SLC47A1: variants seen among roughly 807,000 people sequenced by gnomAD.
SLC47A1 encodes solute carrier family 47 member 1, also known as multidrug and toxin extrusion protein 1.
SLC47A1 carries 58 observed loss-of-function variants against 65.8 expected under a neutral mutation model. The ratio of observed to expected loss-of-function variants is 0.88; its 90% confidence interval spans 0.71 to 1.10. The LOEUF (loss-of-function observed/expected upper bound fraction) is 1.10. SLC47A1 is among the 50% of genes least tolerant of loss of function. SLC47A1 has a pLI of 0.00. For missense variants in SLC47A1, 706 were observed against 719.2 expected (o/e 0.98, Z 0.21); for synonymous variants, 285 against 295.0 (o/e 0.97, Z 0.35).
At chr17:19,556,552 T>TA (rs1385777443) in intron 10 of SLC47A1, among the ~76,000 whole-genome samples, 1 of 106,814 alleles carries the variant, frequency 9.4e-6, no homozygotes, top group Admixed American at 1.4e-4. Context: ...AGCAGGGTCT[T>TA]AAAGGGATTT....
At position 19,565,069 on chromosome 17, in the gene SLC47A1, G is replaced by A. The variant is rs74886254; in HGVS notation, c.1107-1721G>A. Among the ~76,000 whole-genome samples, 363 of 152,298 alleles carry A rather than the reference G, an allele frequency of 2.4e-3. 4 individuals are homozygous for A. In the East Asian group the frequency reaches 0.049, roughly 21 times the overall value. On this transcript the variant is annotated intron_variant, in intron 12 of 16. Transcript: ENST00000270570. ...TTAAACAAGTATTTATTGGGAGACA[G>A]TCTTCTAGGTTCTAGTTTAGAGTGA...
intron 5 of SLC47A1, among the ~76,000 whole-genome samples, chr17:19,550,321 AT>A (rs796269949): frequency 2.2e-4 from 33 of 149,542 alleles, no homozygotes; most frequent in African/African-American, 7.1e-4. Context: ...GGTCTTGCTA[AT>A]TTTTTTTTTC....
intron 14 of SLC47A1, among the ~76,000 whole-genome samples, chr17:19,568,812 G>T (rs1182404155): frequency 2.6e-5 from 4 of 151,788 alleles, no homozygotes. Context: ...TCCCCTCCTT[G>T]CCACCAGTCC....
intron 12 of SLC47A1, among the ~76,000 whole-genome samples, chr17:19,562,715 GACTCTGAATC>G (rs2084322899): frequency 6.6e-6 from 1 of 152,134 alleles, no homozygotes. Context: ...GTAGAAGCTG[GACTCTGAATC>G]TGTCCACTTG....
chr17:19,548,547 T>C (rs1916359229), intron 4 of SLC47A1, among the ~76,000 whole-genome samples: 1 of 149,606 alleles, frequency 6.7e-6, no homozygotes, highest in Admixed American at 6.7e-5. Flanking sequence ...TCCCCCAGAC[T>C]GGAATGCAGT....
chr17:19,550,582 T>C (rs1483560068), intron 5 of SLC47A1, among the ~76,000 whole-genome samples: 1 of 152,206 alleles, frequency 6.6e-6, no homozygotes, highest in Non-Finnish European at 1.5e-5. Context: ...TCCCGAAGTG[T>C]TGGGTTGCAT....
At chr17:19,557,410 C>A in intron 10 of SLC47A1, 1 of 293,804 alleles carries the variant, frequency 3.4e-6, no homozygotes, top group South Asian at 3.0e-5. Flanking sequence ...TATAGGATTC[C>A]ACTATATGTG....
chr17:19,547,591 T>G (rs1250448263), intron 3 of SLC47A1, among the ~76,000 whole-genome samples: 1 of 151,870 alleles, frequency 6.6e-6, no homozygotes, highest in Non-Finnish European at 1.5e-5. Context: ...GTCCAGAATA[T>G]CATTAGTGAG....
intron 3 of SLC47A1, among the ~76,000 whole-genome samples, chr17:19,547,630 T>C (rs776096783): frequency 4.0e-5 from 6 of 151,532 alleles, no homozygotes; most frequent in Non-Finnish European, 8.8e-5. Context: ...CTGGTGATGC[T>C]ACTGGAAGCT....
chr17:19,572,087 G>A (rs1305344028), intron 15 of SLC47A1, among the ~76,000 whole-genome samples: 6 of 152,158 alleles, frequency 3.9e-5, no homozygotes, highest in African/African-American at 9.7e-5. Flanking sequence ...CCTAGAGTTC[G>A]AGGCTGCAGT....
intron 1 of SLC47A1, 123 bp downstream of exon 1, chr17:19,534,197 G>A: frequency 7.8e-7 from 1 of 1,280,938 alleles, no homozygotes; most frequent in African/African-American, 1.6e-5. Flanking sequence ...GCGGGCTCCG[G>A]GGAGCATCGT....
In SLC47A1 at chr17:19,556,030, A is replaced by G. The variant is rs764856474; in HGVS notation, c.889A>G (p.Ile297Val). ...LGMVELGAQSIVYELAIIVYM... is the reference protein window; with the variant it reads ...LGMVELGAQSVVYELAIIVYM... The stretch of plus-strand genomic sequence containing the variant: ...CATGGTGGAGCTGGGCGCTCAGTCC[A>G]TCGTGTATGAACTGGCCATCATTGT... The change falls in exon 10 of 17, where the codon ATC becomes GTC. Residue 297 changes from isoleucine to valine, a missense_variant. Transcript: ENST00000270570. 1.2e-5 allele frequency: 19 copies of G among 1,614,046 alleles called. 1 individual carries two copies. The East Asian group carries it at 2.0e-4, about 17-fold the overall frequency.
chr17:19,547,716 CTTTTTT>C (rs1180263887), intron 3 of SLC47A1, among the ~76,000 whole-genome samples: 3 of 68,588 alleles, frequency 4.4e-5, no homozygotes, highest in African/African-American at 1.2e-4. Flanking sequence ...CCATGGGCTT[CTTTTTT>C]TTTTTTTTTT....
rs1427122135 is a variant in SLC47A1, at chr17:19,579,017, T to G, written c.*1464T>G. The G allele has an allele frequency of 6.6e-6, 1 of 152,252 alleles. No individual in the cohort carries two copies. Among genetic ancestry groups the G allele is most frequent in the Non-Finnish European group, 1.5e-5 (1 of 68,034 alleles). 9.4% of individuals were successfully genotyped at this position (152,252 alleles called of 1,614,324 possible). The stretch of plus-strand genomic sequence containing the variant: ...GAACATGCAATTCTTTCTTCCAAAA[T>G]AAAACATTAAATAGAGATTTTGCCT... On this transcript the variant is annotated 3_prime_UTR_variant, in exon 17 of 17. Coordinates refer to ENST00000270570, the MANE Select transcript of SLC47A1 (RefSeq NM_018242.3).
chr17:19,571,696 C>T, intron 15 of SLC47A1, 124 bp downstream of exon 15: 1 of 691,938 alleles, frequency 1.4e-6, no homozygotes, highest in East Asian at 2.7e-5. Flanking sequence ...CTCATGAATA[C>T]TATTGTTCTT....
chr17:19,570,911 C>T (rs2084394807), intron 14 of SLC47A1: 1 of 152,320 alleles, frequency 6.6e-6, no homozygotes, highest in African/African-American at 2.4e-5. Context: ...CCATCCATTC[C>T]CACCTGGCCT....
chr17:19,545,338 G>C (rs1916257724), intron 2 of SLC47A1, among the ~76,000 whole-genome samples: 1 of 151,916 alleles, frequency 6.6e-6, no homozygotes, highest in African/African-American at 2.4e-5. Flanking sequence ...GGGAATACAG[G>C]CGCCCGCCAC....
In SLC47A1 at chr17:19,533,859, C is replaced by CGGCCTGCGCGGTACCCACTGCT. The variant is rs1915912323; in HGVS notation, c.-67_-66insCCACTGCTGGCCTGCGCGGTAC. The CGGCCTGCGCGGTACCCACTGCT allele has an allele frequency of 7.4e-7, 1 of 1,356,900 alleles. No individual in the cohort carries two copies. The highest frequency in any genetic ancestry group is 1.6e-5 in the African/African-American group (1 of 63,646). The allele number at this position is 1,356,900 out of a possible 1,614,324, so 84.1% of individuals were successfully genotyped here. A position where few individuals can be genotyped will look rare whatever the true frequency, so the allele number is the denominator to read the frequency against. Reference sequence around the variant, plus strand: ...GGCTGCACTGCGCGGTACCCACTGCCGGCCTGCGCGGTACTCACTGCCGGC... The same window carrying CGGCCTGCGCGGTACCCACTGCT: ...GGCTGCACTGCGCGGTACCCACTGCCGGCCTGCGCGGTACCCACTGCTGGCCTGCGCGGTACTCACTGCCGGC... On this transcript the variant is annotated 5_prime_UTR_variant, in exon 1 of 17. Coordinates refer to ENST00000270570, the MANE Select transcript of SLC47A1 (RefSeq NM_018242.3).
At chr17:19,556,470 G>C (rs973591796) in intron 10 of SLC47A1, among the ~76,000 whole-genome samples, 1 of 152,030 alleles carries the variant, frequency 6.6e-6, no homozygotes, top group Non-Finnish European at 1.5e-5. Flanking sequence ...CACTATGCCC[G>C]CTCCTGCCTG....
Sources: allele counts gnomAD v4.1 joint callset (sites outside exome capture counted in the v4.1 genomes callset), GRCh38; gene constraint gnomAD v4.1.1; transcripts MANE v1.5; gene names NCBI Gene and HGNC (gene_info 2026-07-23, HGNC 2026-07-21).